Variants in HERC5 observed in about 807,000 individuals in gnomAD.
HERC5 encodes the protein E3 ISG15--protein ligase HERC5.
In HERC5, 99 loss-of-function variants were observed where a neutral mutation model predicts 119.6. The observed-to-expected ratio is 0.83, with a 90% CI of 0.70 to 0.98. The LOEUF (loss-of-function observed/expected upper bound fraction) is 0.98, where lower values mean the gene tolerates loss of function less well. HERC5 is among the 50% of genes least tolerant of loss of function. The probability of loss-of-function intolerance (pLI) is 0.00; values close to 1 mark genes in which losing one functional copy is unlikely to be tolerated. For synonymous variants in HERC5, 478 were observed against 445.9 expected (o/e 1.07, Z -0.91); for missense variants, 1,267 against 1,241.3 (o/e 1.02, Z -0.31).
At chr4:88,505,189 C>T (rs2149111631) in intron 22 of HERC5, among the ~76,000 whole-genome samples, 1 of 152,308 alleles carries the variant, frequency 6.6e-6, no homozygotes, top group East Asian at 1.9e-4. Flanking sequence ...CTGAGCTCAC[C>T]TTGCACCTTC....
intron 18 of HERC5, among the ~76,000 whole-genome samples, chr4:88,499,566 A>T (rs1030726056): frequency 3.5e-4 from 54 of 152,210 alleles, no homozygotes; most frequent in Non-Finnish European, 5.6e-4. Flanking sequence ...CCTATTCTGT[A>T]AGTAAAGTTC....
intron 16 of HERC5, among the ~76,000 whole-genome samples, chr4:88,490,819 T>A (rs1741612199): frequency 6.6e-6 from 1 of 152,192 alleles, no homozygotes. Flanking sequence ...CACTCTAGCC[T>A]GGGCGACAGA....
At chr4:88,462,075 AGGG>A in intron 3 of HERC5, 57 bp from the exon 4 acceptor site, 2 of 1,385,050 alleles carry the variant, frequency 1.4e-6, no homozygotes, top group Non-Finnish European at 2.0e-6. Context: ...ATAATGCTTT[AGGG>A]TAATGTCTGC....
intron 6 of HERC5, among the ~76,000 whole-genome samples, 183 bp downstream of exon 6, chr4:88,464,168 AT>A (rs374132307): frequency 0.18 from 20,303 of 111,198 alleles, 1,924 homozygotes; most frequent in East Asian, 0.52. Context: ...GTTTTCTTTG[AT>A]TTTTTTTTTT....
chr4:88,501,081 CATT>C (rs773716751), intron 20 of HERC5, 96 bp downstream of exon 20: 2 of 772,526 alleles, frequency 2.6e-6, no homozygotes, highest in Non-Finnish European at 4.2e-6. Flanking sequence ...TTTTCATTCT[CATT>C]AATCATTTTT....
At chr4:88,460,791 C>T (rs891288430) in intron 3 of HERC5, among the ~76,000 whole-genome samples, 2 of 152,092 alleles carry the variant, frequency 1.3e-5, no homozygotes, top group African/African-American at 4.8e-5. Context: ...GAGTTTGAGA[C>T]CAGCCTGGAC....
At chr4:88,500,356 G>T (rs1356931617) in intron 19 of HERC5, among the ~76,000 whole-genome samples, 6 of 152,292 alleles carry the variant, frequency 3.9e-5, no homozygotes, top group African/African-American at 1.4e-4. Context: ...TCTCCAATAG[G>T]CTAGCTGAGG....
chr4:88,465,048 G>A (rs888366117), intron 6 of HERC5, among the ~76,000 whole-genome samples: 13 of 152,264 alleles, frequency 8.5e-5, no homozygotes, highest in Admixed American at 3.9e-4. Flanking sequence ...GGGATTACAG[G>A]CATGAGCCAC....
At chr4:88,489,018 C>A in intron 15 of HERC5, 148 bp from the exon 16 acceptor site, 2 of 572,016 alleles carry the variant, frequency 3.5e-6, no homozygotes, top group Non-Finnish European at 3.0e-6. Flanking sequence ...CTGATGTTAT[C>A]ATTTATCTTC....
At chr4:88,479,959 C>T (rs891909762) in intron 13 of HERC5, among the ~76,000 whole-genome samples, 1 of 150,722 alleles carries the variant, frequency 6.6e-6, no homozygotes, top group Admixed American at 6.6e-5. Context: ...CCCAGCTACT[C>T]GGGAGGCTGA....
Position 88,493,067 on chromosome 4 carries a change from TCTA to T in HERC5, c.2192_2194del (p.Tyr731del), listed in dbSNP as rs1223124358. On this transcript the variant is annotated inframe_deletion, in exon 17 of 23. Coordinates refer to ENST00000264350, the MANE Select transcript of HERC5 (RefSeq NM_016323.4). ...CTCGGAGGAGTCAAGAAAGAGTTCT[TCTA>T]CTGTCTGTTTGCAGAGATGATCCAG... is the stretch of plus-strand genomic sequence containing the variant. The T allele has an allele frequency of 6.2e-7, 1 of 1,613,964 alleles. No homozygotes were observed. Among genetic ancestry groups the T allele is most frequent in the East Asian group, 2.2e-5 (1 of 44,880 alleles).
At chr4:88,463,401 A>G (rs2149085747) in intron 4 of HERC5, 131 bp from the exon 5 acceptor site, 1 of 625,932 alleles carries the variant, frequency 1.6e-6, no homozygotes, top group Non-Finnish European at 2.8e-6. Context: ...AAACATGGCA[A>G]CATAGAGCCT....
chr4:88,492,229 C>T (rs1260931555), intron 16 of HERC5, among the ~76,000 whole-genome samples: 1 of 151,636 alleles, frequency 6.6e-6, no homozygotes, highest in East Asian at 2.0e-4. Context: ...GTCACGAACT[C>T]CTGACCTCAC....
intron 11 of HERC5, among the ~76,000 whole-genome samples, chr4:88,475,324 C>CTTTTT (rs757780297): frequency 1.7e-4 from 21 of 123,476 alleles, no homozygotes; most frequent in South Asian, 2.7e-4. Flanking sequence ...TTCTTTCTTT[C>CTTTTT]TTTTTTTTTT....
Position 88,504,268 on chromosome 4 carries a change from C to T in HERC5, c.2619C>T (p.Phe873=). The T allele has an allele frequency of 6.2e-7, 1 of 1,607,764 alleles. No homozygotes were observed. Among genetic ancestry groups the T allele is most frequent in the Middle Eastern group, 1.7e-4 (1 of 6,034 alleles). Residue 873 remains phenylalanine (F), a synonymous_variant, in exon 21 of 23, where the codon TTC becomes TTT. Transcript: ENST00000264350. The part of the protein sequence containing the change: ...DYVSKYINYI[F]NDSVKAVYEE... ...TTTCTAAGTATATCAATTACATTTT[C>T]AACGACTCTGTAAAGGCGGTTTATG... is the stretch of plus-strand genomic sequence containing the variant.
At chr4:88,492,831 C>G (rs1052870253) in intron 16 of HERC5, among the ~76,000 whole-genome samples, 181 bp from the exon 17 acceptor site, 1 of 152,058 alleles carries the variant, frequency 6.6e-6, no homozygotes, top group Non-Finnish European at 1.5e-5. Context: ...CTCAAGGCCT[C>G]GTTATCTCAT....
chr4:88,484,973 T>C (rs1405736751), intron 13 of HERC5, among the ~76,000 whole-genome samples: 1 of 152,034 alleles, frequency 6.6e-6, no homozygotes, highest in East Asian at 1.9e-4. Context: ...TAATATATCA[T>C]ACTGCTGAAG....
chr4:88,486,059 T>C (rs1488211116), intron 13 of HERC5, 56 bp from the exon 14 acceptor site: 2 of 990,816 alleles, frequency 2.0e-6, no homozygotes. Flanking sequence ...TTAACAGCTA[T>C]TAAGCAAAAT....
At chr4:88,489,037 A>C (rs776861326) in intron 15 of HERC5, 129 bp from the exon 16 acceptor site, 5 of 645,990 alleles carry the variant, frequency 7.7e-6, no homozygotes, top group Non-Finnish European at 8.0e-6. Flanking sequence ...TCAGTGGTGC[A>C]TATAAGGTTC....
Sources: gnomAD v4.1 joint callset for allele counts (sites outside exome capture counted in the v4.1 genomes callset) on GRCh38, gnomAD v4.1.1 for gene constraint, MANE v1.5 for transcripts, NCBI Gene and HGNC (gene_info 2026-07-23, HGNC 2026-07-21) for gene names.